DSTN: variants seen among roughly 807,000 people sequenced by gnomAD.
DSTN encodes destrin, actin depolymerizing factor.
DSTN carries 10 observed loss-of-function variants against 16.8 expected under a neutral mutation model. The ratio of observed to expected loss-of-function variants is 0.60; its 90% CI spans 0.37 to 1.01. The LOEUF (loss-of-function observed/expected upper bound fraction) is 1.01. Ranked by LOEUF, DSTN falls within the 50% of genes least tolerant of loss-of-function variation. The pLI, the probability that DSTN is intolerant of heterozygous loss-of-function variation, is 0.01. For missense variants in DSTN, 141 were observed against 196.7 expected (o/e 0.72, Z 1.69); for synonymous variants, 57 against 58.9 (o/e 0.97, Z 0.14).
At chr20:17,587,829 A>AC (rs1491337916) in intron 1 of DSTN, among the ~76,000 whole-genome samples, 3 of 152,224 alleles carry the variant, frequency 2.0e-5, no homozygotes, top group African/African-American at 7.2e-5. Flanking sequence ...TTTGGTATTA[A>AC]CAGAGTTAAT....
intron 3 of DSTN, among the ~76,000 whole-genome samples, chr20:17,604,864 T>A (rs2035624727): frequency 7.9e-5 from 12 of 152,252 alleles, no homozygotes; most frequent in Admixed American, 7.8e-4. Flanking sequence ...CTTGACATTG[T>A]CTATATATAT....
intron 1 of DSTN, among the ~76,000 whole-genome samples, chr20:17,589,254 A>G (rs1273649155): frequency 6.7e-6 from 1 of 149,682 alleles, no homozygotes. Context: ...TGTGTCGCCC[A>G]GGCTGGAGTG....
chr20:17,586,051 A>C (rs1355125489), intron 1 of DSTN, among the ~76,000 whole-genome samples: 2 of 152,186 alleles, frequency 1.3e-5, no homozygotes, highest in Admixed American at 1.3e-4. Flanking sequence ...CTGAGAAAAC[A>C]GGTCGCCCGA....
chr20:17,582,399 G>T (rs765522677), intron 1 of DSTN, among the ~76,000 whole-genome samples: 1 of 151,906 alleles, frequency 6.6e-6, no homozygotes, highest in Non-Finnish European at 1.5e-5. Flanking sequence ...CATTCTAATG[G>T]GAGAGACAGT....
At chr20:17,572,624 T>G (rs114645512) in intron 1 of DSTN, among the ~76,000 whole-genome samples, 1,818 of 152,300 alleles carry the variant, frequency 0.012, 39 homozygotes, top group African/African-American at 0.041. Flanking sequence ...ATTGGCGCAG[T>G]ATTCAAGTAT....
At chr20:17,591,054 G>C (rs939413954) in intron 1 of DSTN, among the ~76,000 whole-genome samples, 4 of 152,230 alleles carry the variant, frequency 2.6e-5, no homozygotes, top group African/African-American at 9.6e-5. Context: ...GCTGCAGTGA[G>C]CCATGATTGT....
intron 1 of DSTN, among the ~76,000 whole-genome samples, chr20:17,585,372 G>C (rs1468380408): frequency 6.6e-6 from 1 of 152,102 alleles, no homozygotes; most frequent in Non-Finnish European, 1.5e-5. Context: ...AGGTAGATTA[G>C]TTAACCAGCA....
chr20:17,587,410 G>C (rs1349698748), intron 1 of DSTN, among the ~76,000 whole-genome samples: 1 of 152,124 alleles, frequency 6.6e-6, no homozygotes, highest in Non-Finnish European at 1.5e-5. Context: ...CTACAGGCAT[G>C]TGCCACCACA....
In DSTN at chr20:17,605,149, CT is replaced by C. The variant is rs1255256201; in HGVS notation, c.388+520del. 45 of 456,232 alleles carry C rather than the reference CT, an allele frequency of 9.9e-5. 1 individual carries two copies. Among genetic ancestry groups the C allele is most frequent in the Non-Finnish European group, 1.6e-4 (37 of 226,986 alleles). The allele number at this position is 456,232 out of a possible 1,614,324, so 28.3% of individuals were successfully genotyped here. A position where few individuals can be genotyped will look rare whatever the true frequency, so the allele number is the denominator to read the frequency against. ...TCCTGAGCTGGTCAGTTGTATTTGACTTGCCACTGGGTGATTGGGATCCTGA... is the reference window on the plus strand; with the variant it reads ...TCCTGAGCTGGTCAGTTGTATTTGACTGCCACTGGGTGATTGGGATCCTGA... On this transcript the variant is annotated intron_variant, in intron 3 of 3. Coordinates refer to ENST00000246069, the MANE Select transcript of DSTN (RefSeq NM_006870.4).
intron 3 of DSTN, chr20:17,605,151 T>G (rs2035628231): frequency 2.2e-6 from 1 of 456,210 alleles, no homozygotes; most frequent in Non-Finnish European, 4.4e-6. Context: ...GTATTTGACT[T>G]GCCACTGGGT....
chr20:17,576,739 T>C (rs1463144766), intron 1 of DSTN, among the ~76,000 whole-genome samples: 1 of 152,246 alleles, frequency 6.6e-6, no homozygotes, highest in Non-Finnish European at 1.5e-5. Flanking sequence ...GTTTACTCCT[T>C]TGAACATTTT....
intron 3 of DSTN, among the ~76,000 whole-genome samples, chr20:17,606,771 G>A (rs1213651681): frequency 6.6e-6 from 1 of 152,108 alleles, no homozygotes; most frequent in East Asian, 1.9e-4. Flanking sequence ...AGTTAGCGTG[G>A]GCTGATTTTG....
intron 1 of DSTN, among the ~76,000 whole-genome samples, chr20:17,579,856 C>T (rs975718307): frequency 2.0e-5 from 3 of 152,242 alleles, no homozygotes; most frequent in Admixed American, 2.0e-4. Flanking sequence ...CAGAATCACT[C>T]ATTTCCTGGG....
intron 1 of DSTN, among the ~76,000 whole-genome samples, chr20:17,574,881 T>G (rs1238881534): frequency 1.5e-5 from 2 of 133,192 alleles, no homozygotes; most frequent in South Asian, 2.6e-4. Context: ...TTTTTTTTTT[T>G]TTTTTTTTTT....
At position 17,583,735 on chromosome 20, in the gene DSTN, CTTTTTT is replaced by C. The variant is rs71192397; in HGVS notation, c.3+13542_3+13547del. Reference sequence around the variant, plus strand: ...ATGACTGCTAATGGGTTTGGAGTTTCTTTTTTTTTTTTTTTTTTTTTTTGAGACAAG... The same window carrying C: ...ATGACTGCTAATGGGTTTGGAGTTTCTTTTTTTTTTTTTTTTTGAGACAAG... On this transcript the variant is annotated intron_variant, in intron 1 of 3. Coordinates refer to ENST00000246069, the MANE Select transcript of DSTN (RefSeq NM_006870.4). Among the ~76,000 whole-genome samples, 553 of 72,492 alleles carry C rather than the reference CTTTTTT, an allele frequency of 7.6e-3. 10 individuals are homozygous for C. The highest frequency in any genetic ancestry group is 8.4e-3 in the Non-Finnish European group (355 of 42,478). 47.6% of individuals were successfully genotyped at this position (72,492 alleles called of 152,430 possible).
intron 1 of DSTN, among the ~76,000 whole-genome samples, chr20:17,588,737 T>C (rs1240171929): frequency 6.6e-6 from 1 of 152,178 alleles, no homozygotes; most frequent in African/African-American, 2.4e-5. Flanking sequence ...TGAGCTGAGA[T>C]TGCGCCACTG....
chr20:17,606,992 ACTG>A lies in DSTN; in HGVS notation c.389-40_389-38del. On this transcript the variant is annotated intron_variant, in intron 3 of 3. Coordinates refer to ENST00000246069, the MANE Select transcript of DSTN (RefSeq NM_006870.4). ...TTGGTTATCTTAGAGAAAGAGGTAA[ACTG>A]CTGCCATAATTGTAAATAGAAGTGT... The A allele has an allele frequency of 1.9e-6, 3 of 1,596,242 alleles. No homozygotes were observed. In the South Asian group the frequency reaches 3.3e-5, roughly 18 times the overall value.
chr20:17,576,597 T>G (rs962526064), intron 1 of DSTN: 2 of 152,232 alleles, frequency 1.3e-5, no homozygotes, highest in East Asian at 3.8e-4. Context: ...ATTGAAGGTG[T>G]GAAAAGACTG....
intron 2 of DSTN, among the ~76,000 whole-genome samples, chr20:17,602,705 TTA>T (rs2035599476): frequency 6.6e-6 from 1 of 152,176 alleles, no homozygotes; most frequent in Admixed American, 6.5e-5. Flanking sequence ...TGATGCTTTT[TTA>T]TGTTTCTGAC....
Sources: allele counts gnomAD v4.1 joint callset (sites outside exome capture counted in the v4.1 genomes callset), GRCh38; gene constraint gnomAD v4.1.1; transcripts MANE v1.5; gene names NCBI Gene and HGNC (gene_info 2026-07-23, HGNC 2026-07-21).